DEFB121: variants seen among roughly 807,000 people sequenced by gnomAD.
The protein encoded by DEFB121 is defensin beta 121.
DEFB121 carries 5 observed loss-of-function variants against 2.5 expected under a neutral mutation model. The observed-to-expected ratio is 1.96, with a 90% confidence interval of 1.03 to 4.13. DEFB121 has a LOEUF of 4.13. Ranked by LOEUF, DEFB121 falls within the 30% of genes most tolerant of loss-of-function variation. The pLI is 0.00. For synonymous variants in DEFB121, 39 were observed against 32.6 expected (o/e 1.20, Z -0.67); for missense variants, 87 against 85.0 (o/e 1.02, Z -0.09).
chr20:31,413,499 T>G (rs1250013197), upstream of DEFB121, among the ~76,000 whole-genome samples: 1 of 152,174 alleles, frequency 6.6e-6, no homozygotes, highest in Non-Finnish European at 1.5e-5. Flanking sequence ...GAGGTCTGTT[T>G]GTCTATTTCC....
At chr20:31,405,682 A>G (rs1203996804) in intron 1 of DEFB121, among the ~76,000 whole-genome samples, 1 of 152,200 alleles carries the variant, frequency 6.6e-6, no homozygotes, top group Admixed American at 6.5e-5. Context: ...TTGAGGTTGC[A>G]TTAAAAAGTG....
chr20:31,411,182 A>T (rs734418), upstream of DEFB121, among the ~76,000 whole-genome samples: 65,939 of 152,094 alleles, frequency 0.43, 16,846 homozygotes, highest in East Asian at 0.74. Flanking sequence ...GTGAAACAAA[A>T]TGCCTTGATT....
intron 1 of DEFB121, chr20:31,412,560 G>T: frequency 8.3e-7 from 1 of 1,202,544 alleles, no homozygotes; most frequent in South Asian, 1.3e-5. Flanking sequence ...AGGGAATAGT[G>T]CCTGGCATAG....
intron 1 of DEFB121, among the ~76,000 whole-genome samples, chr20:31,412,273 A>G (rs555849488): frequency 1.3e-5 from 2 of 152,322 alleles, no homozygotes; most frequent in East Asian, 3.9e-4. Context: ...GTAACTAGTA[A>G]TGGTAATGGA....
At chr20:31,417,497 A>AACAT (rs1978840198), upstream of DEFB121, among the ~76,000 whole-genome samples, 1 of 152,238 alleles carries the variant, frequency 6.6e-6, no homozygotes, top group East Asian at 1.9e-4. Context: ...CAAGGAGTCC[A>AACAT]ACATATGAAA....
intron 1 of DEFB121, 84 bp from the exon 2 acceptor site, chr20:31,405,169 G>T: frequency 3.0e-6 from 4 of 1,339,840 alleles, no homozygotes; most frequent in Non-Finnish European, 4.1e-6. Context: ...AAGCCCAGTA[G>T]AGGAGTAGGA....
upstream of DEFB121, among the ~76,000 whole-genome samples, chr20:31,416,267 G>A (rs1978802509): frequency 1.3e-5 from 2 of 152,110 alleles, no homozygotes; most frequent in African/African-American, 4.8e-5. Context: ...CACCATGTTA[G>A]CCAGGCTGGT....
chr20:31,409,599 G>A (rs867349143), upstream of DEFB121, among the ~76,000 whole-genome samples: 12 of 152,060 alleles, frequency 7.9e-5, no homozygotes, highest in African/African-American at 2.9e-4. Context: ...AAATTAGCCA[G>A]ACATGGTGGC....
chr20:31,418,146 G>C, the DEFB121 span, among the ~76,000 whole-genome samples: 3 of 146,526 alleles, frequency 2.0e-5, no homozygotes, highest in African/African-American at 2.5e-5. Flanking sequence ...TGTAGTCCCA[G>C]CTACTTGGGA....
upstream of DEFB121, among the ~76,000 whole-genome samples, chr20:31,417,744 C>T (rs934451696): frequency 4.6e-5 from 7 of 151,990 alleles, no homozygotes; most frequent in Non-Finnish European, 1.0e-4. Flanking sequence ...AGGCCAATCA[C>T]CTGAGGTCAG....
chr20:31,418,019 G>C, the DEFB121 span, among the ~76,000 whole-genome samples: 1 of 151,384 alleles, frequency 6.6e-6, no homozygotes, highest in East Asian at 2.0e-4. Context: ...CCAGCACTTT[G>C]GGAGGCCGAG....
At chr20:31,405,337 C>A (rs1287376312) in intron 1 of DEFB121, among the ~76,000 whole-genome samples, 2 of 151,790 alleles carry the variant, frequency 1.3e-5, no homozygotes, top group African/African-American at 4.8e-5. Context: ...TGGATAGCTT[C>A]CCCTCCTTGG....
chr20:31,406,307 A>C, upstream of DEFB121: 2 of 1,411,140 alleles, frequency 1.4e-6, no homozygotes, highest in Non-Finnish European at 1.9e-6. Context: ...ATTTGAGATC[A>C]GACAGGCAGG....
At chr20:31,409,872 C>G (rs1978608994), upstream of DEFB121, among the ~76,000 whole-genome samples, 1 of 151,972 alleles carries the variant, frequency 6.6e-6, no homozygotes, top group African/African-American at 2.4e-5. Context: ...AAACACAAAC[C>G]TAATCTACAG....
chr20:31,406,617 AG>A (rs758293325), upstream of DEFB121, among the ~76,000 whole-genome samples: 4 of 152,184 alleles, frequency 2.6e-5, no homozygotes, highest in African/African-American at 4.8e-5. Context: ...AGGGCAGAGC[AG>A]GGGAAAATAC....
At chr20:31,414,214 G>A (rs904869478), upstream of DEFB121, among the ~76,000 whole-genome samples, 2 of 148,972 alleles carry the variant, frequency 1.3e-5, no homozygotes, top group Non-Finnish European at 1.5e-5. Flanking sequence ...TCAAAAGGAA[G>A]AAAGAAAGAA....
chr20:31,410,233 A>G (rs1158043115), upstream of DEFB121, among the ~76,000 whole-genome samples: 1 of 152,236 alleles, frequency 6.6e-6, no homozygotes, highest in Non-Finnish European at 1.5e-5. Context: ...GCTGGAGGTC[A>G]TTATCCTAAG....
chr20:31,405,249 C>T (rs1273470511), intron 1 of DEFB121, among the ~76,000 whole-genome samples, 164 bp from the exon 2 acceptor site: 7 of 152,118 alleles, frequency 4.6e-5, no homozygotes, highest in African/African-American at 1.4e-4. Context: ...AGATTATAGA[C>T]CACTACGCTT....
upstream of DEFB121, among the ~76,000 whole-genome samples, chr20:31,406,751 C>T (rs1978494239): frequency 6.6e-6 from 1 of 152,166 alleles, no homozygotes; most frequent in African/African-American, 2.4e-5. Context: ...AAGTAGCACC[C>T]TCATAGGTAG....
Sources: allele counts gnomAD v4.1 joint callset (sites outside exome capture counted in the v4.1 genomes callset), GRCh38; gene constraint gnomAD v4.1.1; transcripts MANE v1.5; gene names NCBI Gene and HGNC (gene_info 2026-07-23, HGNC 2026-07-21).